Variants in ADGRF1 observed in about 807,000 individuals in gnomAD.
The protein encoded by ADGRF1 is adhesion G protein-coupled receptor F1.
ADGRF1 carries 85 observed loss-of-function variants against 87.2 expected under a neutral mutation model. That is an observed-to-expected ratio of 0.97 (90% confidence interval 0.82 to 1.17). The LOEUF (loss-of-function observed/expected upper bound fraction) is 1.17, where lower values mean the gene tolerates loss of function less well. Among genes scored for constraint, ADGRF1 ranks in the 50% most tolerant of loss-of-function variants. ADGRF1 has a pLI of 0.00. For synonymous variants in ADGRF1, 430 were observed against 408.8 expected (o/e 1.05, Z -0.63); for missense variants, 1,169 against 1,077.2 (o/e 1.09, Z -1.19).
Position 47,016,463 on chromosome 6 carries a change from TG to T in ADGRF1, c.763+153del, listed in dbSNP as rs79120135. Among the ~76,000 whole-genome samples, 55 of 152,348 alleles carry T rather than the reference TG, an allele frequency of 3.6e-4. No homozygotes were observed. The East Asian group carries it at 0.01, about 28-fold the overall frequency. ...AGTCAGTTGAAGCTAAGTTTCATCT[TG>T]GTGCTGGGGGAAACAGCTGCCTGTT... On this transcript the variant is annotated intron_variant, in intron 8 of 14. Coordinates refer to ENST00000371253, the MANE Select transcript of ADGRF1 (RefSeq NM_153840.4).
At chr6:47,030,579 T>TGTGTGC (rs1462936202) in intron 1 of ADGRF1, among the ~76,000 whole-genome samples, 1 of 120,378 alleles carries the variant, frequency 8.3e-6, no homozygotes, top group African/African-American at 3.9e-5. Context: ...CATGAATATG[T>TGTGTGC]GTGTGTGTGT....
chr6:47,014,403 C>T (rs1396372560), intron 9 of ADGRF1: 2 of 1,130,384 alleles, frequency 1.8e-6, no homozygotes. Flanking sequence ...TACCATCCAT[C>T]ATAGACCTCC....
In ADGRF1 at chr6:47,027,690, T is replaced by A; in HGVS notation, c.127+14A>T. On this transcript the variant is annotated intron_variant, in intron 3 of 14. Coordinates refer to ENST00000371253, the MANE Select transcript of ADGRF1 (RefSeq NM_153840.4). ...CCAAAATCCACTGCACCATGCTGTC[T>A]AACAGAGCCTCACCTAGATGTTTTT... The A allele has an allele frequency of 6.3e-7, 1 of 1,593,764 alleles. No homozygotes were observed. The highest frequency in any genetic ancestry group is 8.6e-7 in the Non-Finnish European group (1 of 1,162,104).
At chr6:47,023,707 A>C (rs1315301961) in intron 5 of ADGRF1, among the ~76,000 whole-genome samples, 2 of 152,212 alleles carry the variant, frequency 1.3e-5, no homozygotes, top group Non-Finnish European at 2.9e-5. Flanking sequence ...AAAAGACGTG[A>C]AAAGAGAGTA....
intron 7 of ADGRF1, chr6:47,020,400 G>C: frequency 1.2e-6 from 1 of 865,762 alleles, no homozygotes; most frequent in Non-Finnish European, 1.7e-6. Context: ...GGAGGCTGAG[G>C]CAGGGGAATC....
chr6:47,038,395 AAC>A (rs1465645071), intron 1 of ADGRF1, among the ~76,000 whole-genome samples: 3 of 152,180 alleles, frequency 2.0e-5, no homozygotes, highest in Admixed American at 1.3e-4. Flanking sequence ...TTCCCAATGA[AAC>A]AGTTTTTTAT....
rs891059123 is a variant in ADGRF1 at position 47,020,802 on chromosome 6, A to G, written c.553-13T>C. 1 of 1,609,546 alleles carries G rather than the reference A, an allele frequency of 6.2e-7. No individual in the cohort carries two copies. The highest frequency in any genetic ancestry group is 8.5e-7 in the Non-Finnish European group (1 of 1,175,928). On this transcript the variant is annotated splice_polypyrimidine_tract_variant and intron_variant, in intron 6 of 14. Coordinates refer to ENST00000371253, the MANE Select transcript of ADGRF1 (RefSeq NM_153840.4). ...ATGCTTTTTTAAGCTTAGAAAGAGAACAAAGAACAATGTGTTAATTGTTCT... is the reference window on the plus strand; with the variant it reads ...ATGCTTTTTTAAGCTTAGAAAGAGAGCAAAGAACAATGTGTTAATTGTTCT...
chr6:47,000,309 A>T lies in ADGRF1; in HGVS notation c.2660-14T>A. ...ATGCATAATGGCCTGAAGGGGAAAA[A>T]AAAAGGAAATAATTATTGTTACTCT... On this transcript the variant is annotated splice_polypyrimidine_tract_variant and intron_variant, in intron 14 of 14. Coordinates refer to ENST00000371253, the MANE Select transcript of ADGRF1 (RefSeq NM_153840.4). 6.4e-7 allele frequency: 1 copy of T among 1,569,248 alleles called. No homozygotes were observed. The highest frequency in any genetic ancestry group is 8.7e-7 in the Non-Finnish European group (1 of 1,146,910).
intron 1 of ADGRF1, among the ~76,000 whole-genome samples, chr6:47,031,312 C>T (rs915847584): frequency 6.7e-6 from 1 of 149,900 alleles, no homozygotes; most frequent in Non-Finnish European, 1.5e-5. Context: ...CTCTCTGTCT[C>T]TCTGTCTCTC....
chr6:47,015,427 T>G (rs1209321981), intron 8 of ADGRF1, among the ~76,000 whole-genome samples: 1 of 151,844 alleles, frequency 6.6e-6, no homozygotes, highest in Non-Finnish European at 1.5e-5. Context: ...TTTTTTTTTT[T>G]CAGATGGGGT....
rs772413138 is a variant in ADGRF1, at chr6:47,026,139, C to T, written c.128-136G>A. ...TGCTTGTTCCTGAGTTCCTCTCATC[C>T]AAACATGGACTAACAATGAACACTG... On this transcript the variant is annotated intron_variant, in intron 3 of 14. Coordinates refer to ENST00000371253, the MANE Select transcript of ADGRF1 (RefSeq NM_153840.4). The T allele has an allele frequency of 1.6e-4, 109 of 668,722 alleles. 1 individual carries two copies. Among genetic ancestry groups the T allele is most frequent in the Non-Finnish European group, 2.4e-4 (98 of 404,228 alleles). The allele number at this position is 668,722 out of a possible 1,614,324, so 41.4% of individuals were successfully genotyped here.
intron 1 of ADGRF1, among the ~76,000 whole-genome samples, chr6:47,036,052 G>A (rs1164416176): frequency 1.3e-5 from 2 of 152,162 alleles, no homozygotes; most frequent in South Asian, 4.1e-4. Context: ...GCAACATGGT[G>A]AAACCCCATC....
Position 47,018,439 on chromosome 6 carries a change from A to G in ADGRF1, c.612-1671T>C, listed in dbSNP as rs1406934604. 8 of 1,289,580 alleles carry G rather than the reference A, an allele frequency of 6.2e-6. No homozygotes were observed. In the Admixed American group the frequency reaches 1.1e-4, roughly 19 times the overall value. The allele number at this position is 1,289,580 out of a possible 1,614,324, so 79.9% of individuals were successfully genotyped here. A position where few individuals can be genotyped will look rare whatever the true frequency, so the allele number is the denominator to read the frequency against. On this transcript the variant is annotated intron_variant, in intron 7 of 14. Transcript: ENST00000371253. ...TTGAACTTCTGCTCACAATGTATAA[A>G]TAAGTGCAGACACCCTTTTGCTTAA... is the stretch of plus-strand genomic sequence containing the variant.
intron 1 of ADGRF1, among the ~76,000 whole-genome samples, chr6:47,032,416 A>C (rs746113615): frequency 1.1e-4 from 16 of 152,244 alleles, no homozygotes; most frequent in Non-Finnish European, 1.6e-4. Flanking sequence ...TGCCTTGTGC[A>C]ATATTTGCAA....
rs1354709728 is a variant in ADGRF1, at chr6:46,998,802, T to C, written c.*1420A>G. On this transcript the variant is annotated 3_prime_UTR_variant, in exon 15 of 15. Coordinates refer to ENST00000371253, the MANE Select transcript of ADGRF1 (RefSeq NM_153840.4). ...ATAAAATTCTGTTGACTCTCATACA[T>C]ATTTGTGGGGTATAGAACCATCTAA... 1 of 152,272 alleles carries C rather than the reference T, an allele frequency of 6.6e-6. No homozygotes were observed. The highest frequency in any genetic ancestry group is 2.4e-5 in the African/African-American group (1 of 41,464). 9.4% of individuals were successfully genotyped at this position (152,272 alleles called of 1,614,324 possible). A position where few individuals can be genotyped will look rare whatever the true frequency, so the allele number is the denominator to read the frequency against.
chr6:47,017,606 C>T (rs898788105), intron 7 of ADGRF1: 6 of 151,412 alleles, frequency 4.0e-5, no homozygotes, highest in African/African-American at 1.2e-4. Flanking sequence ...TGGAGTACTA[C>T]TGGACTACAA....
At chr6:47,023,468 C>T (rs1366676522) in intron 5 of ADGRF1, among the ~76,000 whole-genome samples, 3 of 152,194 alleles carry the variant, frequency 2.0e-5, no homozygotes, top group African/African-American at 7.2e-5. Context: ...GAGTCCATGT[C>T]ATTTGGCTCA....
chr6:47,037,588 G>A (rs974574814), intron 1 of ADGRF1, among the ~76,000 whole-genome samples: 1 of 151,956 alleles, frequency 6.6e-6, no homozygotes, highest in African/African-American at 2.4e-5. Context: ...GCTCACTGTA[G>A]CCCCATCCTG....
chr6:47,036,269 A>C (rs79344777), intron 1 of ADGRF1, among the ~76,000 whole-genome samples: 9,047 of 152,022 alleles, frequency 0.06, 376 homozygotes, highest in Non-Finnish European at 0.091. Flanking sequence ...CAAACAAAAA[A>C]CAGCTACTTA....
Sources: gnomAD v4.1 joint callset for allele counts (sites outside exome capture counted in the v4.1 genomes callset) on GRCh38, gnomAD v4.1.1 for gene constraint, MANE v1.5 for transcripts, NCBI Gene and HGNC (gene_info 2026-07-23, HGNC 2026-07-21) for gene names.